BAIAP2L1: variants seen among roughly 807,000 people sequenced by gnomAD.
BAIAP2L1 encodes BAR/IMD domain-containing adapter protein 2-like 1.
Under a neutral mutation model 66.3 loss-of-function variants are expected in BAIAP2L1, and 35 were observed. The observed-to-expected ratio is 0.53, with a 90% CI of 0.40 to 0.70. The LOEUF is 0.70. Among genes scored for constraint, BAIAP2L1 ranks in the 30% least tolerant of loss-of-function variants. The probability of loss-of-function intolerance (pLI) is 0.00; values close to 1 mark genes in which losing one functional copy is unlikely to be tolerated. For synonymous variants in BAIAP2L1, 269 were observed against 248.7 expected, an observed-to-expected ratio of 1.08 and a Z score of -0.77; for missense variants, 622 against 656.9, an observed-to-expected ratio of 0.95 and a Z score of 0.58.
intron 1 of BAIAP2L1, among the ~76,000 whole-genome samples, chr7:98,386,965 C>T (rs1287145195): frequency 3.3e-5 from 5 of 152,078 alleles, no homozygotes; most frequent in African/African-American, 1.2e-4. Context: ...TCCCAAAGTG[C>T]TGGGATTACA....
In BAIAP2L1 at chr7:98,393,046, C is replaced by T. The variant is rs529456989; in HGVS notation, c.51+7756G>A. 1.3e-3 allele frequency among the ~76,000 whole-genome samples: 105 copies of T among 83,110 alleles called. 4 individuals carry two copies. Among genetic ancestry groups the T allele is most frequent in the African/African-American group, 4.5e-3 (94 of 20,784 alleles). 54.5% of individuals were successfully genotyped at this position (83,110 alleles called of 152,430 possible). On this transcript the variant is annotated intron_variant, in intron 1 of 13. Transcript: ENST00000005260. ...ATACACACATATATATACATATATA[C>T]GTGTACATATATGTACACATATATG...
intron 3 of BAIAP2L1, among the ~76,000 whole-genome samples, chr7:98,348,018 A>G (rs941805506): frequency 7.9e-5 from 12 of 152,148 alleles, no homozygotes; most frequent in African/African-American, 2.9e-4. Context: ...GGATAGCATT[A>G]GGAGAAATAT....
At chr7:98,370,304 C>T (rs1475991544) in intron 1 of BAIAP2L1, among the ~76,000 whole-genome samples, 3 of 140,634 alleles carry the variant, frequency 2.1e-5, no homozygotes, top group Non-Finnish European at 4.5e-5. Context: ...GAACCCGGGA[C>T]GCGGGGTTGC....
chr7:98,301,568 C>T (rs983533251), intron 12 of BAIAP2L1, among the ~76,000 whole-genome samples: 51 of 151,776 alleles, frequency 3.4e-4, no homozygotes, highest in Admixed American at 6.6e-5. Flanking sequence ...CCGCCCACTT[C>T]GGACTCCCAA....
At chr7:98,337,661 T>C (rs952623242) in intron 3 of BAIAP2L1, among the ~76,000 whole-genome samples, 2 of 152,224 alleles carry the variant, frequency 1.3e-5, no homozygotes, top group African/African-American at 4.8e-5. Flanking sequence ...CTCACGCCTG[T>C]AATCCCAGCA....
intron 3 of BAIAP2L1, 76 bp downstream of exon 3, chr7:98,354,966 G>T: frequency 9.3e-7 from 1 of 1,072,900 alleles, no homozygotes; most frequent in Non-Finnish European, 1.5e-6. Context: ...GTTCTGGACT[G>T]GGCCATCCCA....
At chr7:98,303,385 T>A (rs1800505906) in intron 12 of BAIAP2L1, among the ~76,000 whole-genome samples, 1 of 152,122 alleles carries the variant, frequency 6.6e-6, no homozygotes, top group Non-Finnish European at 1.5e-5. Context: ...CTCCTCCCCT[T>A]CACCCACAGG....
At chr7:98,361,366 A>AAAAG (rs71515214) in intron 2 of BAIAP2L1, among the ~76,000 whole-genome samples, 99 of 151,628 alleles carry the variant, frequency 6.5e-4, no homozygotes, top group African/African-American at 1.6e-3. Flanking sequence ...GGGAAAAAAA[A>AAAAG]AAAGAAAGAA....
chr7:98,293,126 T>A lies in BAIAP2L1; in HGVS notation c.*395A>T. ...TAGACATAATGCTATTAAGAGCACA[T>A]GCTTTATAAAATAAAACTGGTCTCA... On this transcript the variant is annotated 3_prime_UTR_variant, in exon 14 of 14. Transcript: ENST00000005260. 1 of 387,574 alleles carries A rather than the reference T, an allele frequency of 2.6e-6. No individual in the cohort carries two copies. The allele number at this position is 387,574 out of a possible 1,614,324, so 24.0% of individuals were successfully genotyped here.
At chr7:98,338,421 T>TA (rs35420774) in intron 3 of BAIAP2L1, among the ~76,000 whole-genome samples, 1,319 of 131,414 alleles carry the variant, frequency 0.01, 17 homozygotes, top group African/African-American at 0.029. Flanking sequence ...GACTCCGTCT[T>TA]AAAAAAAAAA....
chr7:98,396,006 T>A (rs1803199208), intron 1 of BAIAP2L1, among the ~76,000 whole-genome samples: 1 of 152,216 alleles, frequency 6.6e-6, no homozygotes, highest in South Asian at 2.1e-4. Context: ...GGAAACCTAA[T>A]GTGCATGGAA....
chr7:98,305,918 T>A (rs1800639090), intron 11 of BAIAP2L1, among the ~76,000 whole-genome samples: 1 of 150,908 alleles, frequency 6.6e-6, no homozygotes, highest in South Asian at 2.1e-4. Context: ...GCCATGGGAG[T>A]GGATGAGATG....
chr7:98,380,531 C>T (rs866744095), intron 1 of BAIAP2L1, among the ~76,000 whole-genome samples: 1 of 151,992 alleles, frequency 6.6e-6, no homozygotes, highest in Middle Eastern at 3.4e-3. Context: ...GGAAACCGCC[C>T]CCATGACTCA....
At chr7:98,335,173 AAAAAAAT>A (rs1451172681) in intron 3 of BAIAP2L1, among the ~76,000 whole-genome samples, 1 of 148,712 alleles carries the variant, frequency 6.7e-6, no homozygotes, top group Non-Finnish European at 1.5e-5. Flanking sequence ...AAAAAAAAAA[AAAAAAAT>A]TTATCTCCCA....
intron 3 of BAIAP2L1, among the ~76,000 whole-genome samples, chr7:98,335,596 T>C (rs1562977462): frequency 6.6e-6 from 1 of 152,266 alleles, no homozygotes; most frequent in African/African-American, 2.4e-5. Flanking sequence ...AATACTCTTA[T>C]CTGATACACT....
chr7:98,296,501 G>A (rs1037379390), intron 12 of BAIAP2L1, among the ~76,000 whole-genome samples: 1 of 151,982 alleles, frequency 6.6e-6, no homozygotes, highest in Non-Finnish European at 1.5e-5. Flanking sequence ...GGCGCACGCC[G>A]GTAATCCCAG....
intron 1 of BAIAP2L1, among the ~76,000 whole-genome samples, chr7:98,364,668 C>G (rs1802350021): frequency 6.6e-6 from 1 of 151,754 alleles, no homozygotes; most frequent in African/African-American, 2.4e-5. Flanking sequence ...TAGATTGAAA[C>G]TATTTTCCTT....
intron 12 of BAIAP2L1, among the ~76,000 whole-genome samples, chr7:98,300,263 C>CCCTGCT (rs1169374209): frequency 1.5e-4 from 1 of 6,768 alleles, no homozygotes; most frequent in Non-Finnish European, 4.6e-4. Flanking sequence ...ACAGCCATTC[C>CCCTGCT]CCCTGCTCCC....
At chr7:98,307,630 C>T (rs1800706702) in intron 10 of BAIAP2L1, 59 bp downstream of exon 10, 1 of 1,597,564 alleles carries the variant, frequency 6.3e-7, no homozygotes. Flanking sequence ...TGCAGCTTGG[C>T]TGCTCTGGAA....
Sources: allele counts gnomAD v4.1 joint callset (sites outside exome capture counted in the v4.1 genomes callset), GRCh38; gene constraint gnomAD v4.1.1; transcripts MANE v1.5; gene names NCBI Gene and HGNC (gene_info 2026-07-23, HGNC 2026-07-21).